The following ARMH3 variants were observed in gnomAD, a reference collection of about 807,000 sequenced individuals.
ARMH3 encodes the protein armadillo-like helical domain-containing protein 3.
In ARMH3, 60 loss-of-function variants were observed where a neutral mutation model predicts 99.1. The ratio of observed to expected loss-of-function variants is 0.61; its 90% CI spans 0.49 to 0.75. The LOEUF (loss-of-function observed/expected upper bound fraction) is 0.75, where lower values mean the gene tolerates loss of function less well. ARMH3 is among the 30% of genes least tolerant of loss of function. ARMH3 has a pLI of 0.00. For missense variants in ARMH3, 679 were observed against 843.1 expected (o/e 0.81, Z 2.41); for synonymous variants, 285 against 292.8 (o/e 0.97, Z 0.27).
intron 8 of ARMH3, among the ~76,000 whole-genome samples, chr10:102,019,083 C>T (rs1028011461): frequency 2.0e-5 from 3 of 151,764 alleles, no homozygotes; most frequent in African/African-American, 7.2e-5. Flanking sequence ...GAATTTTGCT[C>T]TTTCACTCAG....
intron 20 of ARMH3, among the ~76,000 whole-genome samples, chr10:101,963,878 CTTTTT>C (rs1177050739): frequency 7.4e-6 from 1 of 135,696 alleles, no homozygotes; most frequent in African/African-American, 2.7e-5. Flanking sequence ...CTTTTTCTTT[CTTTTT>C]TTTTTTTTTT....
At chr10:101,955,613 GT>G (rs1844994527) in intron 22 of ARMH3, among the ~76,000 whole-genome samples, 1 of 152,106 alleles carries the variant, frequency 6.6e-6, no homozygotes, top group South Asian at 2.1e-4. Flanking sequence ...ATCCTCTCCA[GT>G]TTCCTCATGA....
intron 8 of ARMH3, among the ~76,000 whole-genome samples, chr10:102,018,136 G>A (rs778012273): frequency 1.3e-5 from 2 of 152,158 alleles, no homozygotes; most frequent in African/African-American, 2.4e-5. Context: ...CCAGGACTCA[G>A]TGCCAAATGC....
At chr10:101,910,741 A>C (rs1842831509) in intron 23 of ARMH3, among the ~76,000 whole-genome samples, 1 of 151,648 alleles carries the variant, frequency 6.6e-6, no homozygotes, top group South Asian at 2.1e-4. Context: ...CAAAAAAAAA[A>C]AAAAAACAAC....
chr10:101,861,725 G>A (rs139122074), intron 24 of ARMH3, among the ~76,000 whole-genome samples: 6,876 of 83,620 alleles, frequency 0.082, 200 homozygotes, highest in Admixed American at 0.092. Flanking sequence ...GCGAGACTCC[G>A]TCTCAAAAAA....
intron 23 of ARMH3, among the ~76,000 whole-genome samples, chr10:101,932,287 C>T (rs1274547767): frequency 6.6e-6 from 1 of 152,100 alleles, no homozygotes; most frequent in Admixed American, 6.5e-5. Flanking sequence ...AAAACAGAAA[C>T]AGAAAACAAG....
intron 17 of ARMH3, among the ~76,000 whole-genome samples, 155 bp downstream of exon 17, chr10:101,993,380 CCAA>C (rs1488678747): frequency 1.3e-5 from 2 of 152,058 alleles, no homozygotes; most frequent in African/African-American, 4.8e-5. Context: ...CACAAAAATC[CCAA>C]CAACAAGCAT....
Position 101,975,273 on chromosome 10 carries a change from C to T in ARMH3, c.1434G>A (p.Leu478=). 1 of 1,612,536 alleles carries T rather than the reference C, an allele frequency of 6.2e-7. No individual in the cohort carries two copies. Among genetic ancestry groups the T allele is most frequent in the Non-Finnish European group, 8.5e-7 (1 of 1,179,036 alleles). ...CCCGACACTTCTTCTGGTAGCAGAG[C>T]AGTTTGTGTACTACCTGGATGCAGC... is the stretch of plus-strand genomic sequence containing the variant. ...YIRCIQVVHK[L]LCYQKKCRVR... The change falls in exon 20 of 26, where the codon CTG becomes CTA. Residue 478 remains leucine (L), a synonymous_variant. Coordinates refer to ENST00000370033, the MANE Select transcript of ARMH3 (RefSeq NM_024541.3).
chr10:102,048,366 A>G (rs1231210371), intron 1 of ARMH3, among the ~76,000 whole-genome samples: 1 of 152,242 alleles, frequency 6.6e-6, no homozygotes, highest in Non-Finnish European at 1.5e-5. Flanking sequence ...TAAGTCAAAG[A>G]AAATATTACC....
chr10:101,895,020 G>C (rs994714664), intron 23 of ARMH3, among the ~76,000 whole-genome samples: 4 of 152,088 alleles, frequency 2.6e-5, no homozygotes, highest in African/African-American at 9.7e-5. Context: ...CTAGCCTCCA[G>C]AACTGTGAGA....
chr10:101,920,711 T>G (rs1843272540), intron 23 of ARMH3, among the ~76,000 whole-genome samples: 1 of 151,980 alleles, frequency 6.6e-6, no homozygotes, highest in East Asian at 1.9e-4. Context: ...CAGAGCAGTA[T>G]CATTCATAGT....
intron 10 of ARMH3, among the ~76,000 whole-genome samples, chr10:102,012,052 C>G (rs1181527002): frequency 1.3e-5 from 2 of 152,192 alleles, no homozygotes; most frequent in Non-Finnish European, 2.9e-5. Context: ...TATAGCTGAT[C>G]CAGTTACTTC....
At position 101,876,935 on chromosome 10, in the gene ARMH3, C is replaced by T. The variant is rs149148162; in HGVS notation, c.1860+12477G>A. Among the ~76,000 whole-genome samples the T allele has an allele frequency of 5.9e-5, 9 of 152,152 alleles. No homozygotes were observed. In the East Asian group the frequency reaches 1.7e-3, roughly 29 times the overall value. ...TCAAAAGCTGACTACTGGCCAGGTG[C>T]GGTGGCTCACACCTGTAATCCCGGC... On this transcript the variant is annotated intron_variant, in intron 24 of 25. Coordinates refer to ENST00000370033, the MANE Select transcript of ARMH3 (RefSeq NM_024541.3).
intron 23 of ARMH3, among the ~76,000 whole-genome samples, chr10:101,931,932 C>T (rs1312906469): frequency 6.6e-6 from 1 of 152,144 alleles, no homozygotes; most frequent in Non-Finnish European, 1.5e-5. Flanking sequence ...AAATTAAAAA[C>T]TTGTGCATCA....
chr10:102,038,639 C>A (rs993885017), intron 2 of ARMH3, among the ~76,000 whole-genome samples: 9 of 152,184 alleles, frequency 5.9e-5, no homozygotes, highest in African/African-American at 2.2e-4. Context: ...GAGGATACTA[C>A]CAGTGCCCTC....
chr10:102,044,091 CTTTTTTTTTTTT>C (rs778226635), intron 1 of ARMH3, among the ~76,000 whole-genome samples: 2 of 104,124 alleles, frequency 1.9e-5, no homozygotes, highest in Admixed American at 9.8e-5. Flanking sequence ...TAATTTTTTT[CTTTTTTTTTTTT>C]TTTTTTTGGA....
intron 23 of ARMH3, among the ~76,000 whole-genome samples, chr10:101,892,974 C>T (rs371027346): frequency 6.6e-6 from 1 of 152,140 alleles, no homozygotes; most frequent in Non-Finnish European, 1.5e-5. Context: ...TGCTCTAATT[C>T]CAAAGTAGGA....
At chr10:101,930,805 T>C (rs1464921810) in intron 23 of ARMH3, among the ~76,000 whole-genome samples, 2 of 152,146 alleles carry the variant, frequency 1.3e-5, no homozygotes, top group Non-Finnish European at 2.9e-5. Flanking sequence ...TTCCCAGACT[T>C]GCACAATCAG....
chr10:101,898,598 G>T (rs1339516837), intron 23 of ARMH3, among the ~76,000 whole-genome samples: 4 of 152,166 alleles, frequency 2.6e-5, no homozygotes, highest in Non-Finnish European at 5.9e-5. Flanking sequence ...CTTTCAGGCA[G>T]AACAGGGAAA....
Sources: allele counts gnomAD v4.1 joint callset (sites outside exome capture counted in the v4.1 genomes callset), GRCh38; gene constraint gnomAD v4.1.1; transcripts MANE v1.5; gene names NCBI Gene and HGNC (gene_info 2026-07-23, HGNC 2026-07-21).